The following DOCK8 variants were observed in gnomAD, a reference collection of about 807,000 sequenced individuals.
DOCK8 encodes dedicator of cytokinesis protein 8.
DOCK8 carries 141 observed loss-of-function variants against 245.6 expected under a neutral mutation model. That is an observed-to-expected ratio of 0.57 (90% CI 0.50 to 0.66). The LOEUF is 0.66. DOCK8 is among the 30% of genes least tolerant of loss of function. The pLI is 0.00. For synonymous variants in DOCK8, 1,168 were observed against 970.2 expected (o/e 1.20, Z -3.79); for missense variants, 2,965 against 2,603.4 (o/e 1.14, Z -3.02).
At chr9:415,110 G>T (rs1232621415) in intron 29 of DOCK8, among the ~76,000 whole-genome samples, 159 bp downstream of exon 29, 1 of 152,022 alleles carries the variant, frequency 6.6e-6, no homozygotes, top group African/African-American at 2.4e-5. Flanking sequence ...GCCCCAATCA[G>T]TTAAAAAAAC....
chr9:239,214 C>T (rs1156718216), intron 1 of DOCK8, among the ~76,000 whole-genome samples: 2 of 152,140 alleles, frequency 1.3e-5, no homozygotes, highest in Non-Finnish European at 2.9e-5. Flanking sequence ...CACGCATGGC[C>T]GCACACACAC....
chr9:269,351 C>T (rs1174785663), intron 1 of DOCK8, among the ~76,000 whole-genome samples: 1 of 151,190 alleles, frequency 6.6e-6, no homozygotes. Context: ...GATAATGTTT[C>T]CAAGGTTCAT....
intron 33 of DOCK8, among the ~76,000 whole-genome samples, chr9:426,169 CA>C (rs981404838): frequency 6.6e-6 from 1 of 151,434 alleles, no homozygotes; most frequent in Non-Finnish European, 1.5e-5. Flanking sequence ...GATGGGCTAG[CA>C]AAAAAAACCA....
At chr9:344,431 G>A (rs2051768858) in intron 14 of DOCK8, among the ~76,000 whole-genome samples, 1 of 152,088 alleles carries the variant, frequency 6.6e-6, no homozygotes, top group Non-Finnish European at 1.5e-5. Flanking sequence ...GGGCTTGACA[G>A]TTACCCAGTC....
At chr9:389,149 A>C (rs766381220) in intron 23 of DOCK8, among the ~76,000 whole-genome samples, 1 of 152,208 alleles carries the variant, frequency 6.6e-6, no homozygotes, top group African/African-American at 2.4e-5. Context: ...GGAGTCCCCA[A>C]GATGTAAGGT....
At chr9:265,491 G>A (rs543442) in intron 1 of DOCK8, among the ~76,000 whole-genome samples, 7 of 151,938 alleles carry the variant, frequency 4.6e-5, no homozygotes, top group East Asian at 3.9e-4. Context: ...ACAGTCGTTC[G>A]TTACCAAGAG....
intron 4 of DOCK8, among the ~76,000 whole-genome samples, chr9:301,050 T>C (rs1428717028): frequency 6.6e-6 from 1 of 152,150 alleles, no homozygotes; most frequent in Non-Finnish European, 1.5e-5. Flanking sequence ...AAAAGAAAAC[T>C]TCAGGCCAAT....
intron 46 of DOCK8, among the ~76,000 whole-genome samples, chr9:454,038 A>G (rs1007439260): frequency 1.3e-5 from 2 of 152,178 alleles, no homozygotes; most frequent in Non-Finnish European, 2.9e-5. Flanking sequence ...CAGCATATGC[A>G]CAGAACTTTA....
At chr9:383,972 C>G (rs1272091997) in intron 22 of DOCK8, among the ~76,000 whole-genome samples, 1 of 152,132 alleles carries the variant, frequency 6.6e-6, no homozygotes, top group African/African-American at 2.4e-5. Flanking sequence ...GAATATTATT[C>G]ATTAAGTTCA....
rs750791600 is a variant in DOCK8, at chr9:441,366, G to A, written c.5304G>A (p.Leu1768=). 1.4e-5 allele frequency: 23 copies of A among 1,614,080 alleles called. No homozygotes were observed. The highest frequency in any genetic ancestry group is 1.8e-5 in the Non-Finnish European group (21 of 1,180,054). ...ILEAHREFRK[L]TLTHSKLQRA... ...AAGCGCATCGAGAATTCCGGAAGCT[G>A]ACACTCACTCACAGCAAGCTGCAGA... The change falls in exon 41 of 48, where the codon CTG becomes CTA. Residue 1768 remains leucine (L), a synonymous_variant. Transcript: ENST00000432829.
chr9:335,227 C>G (rs2051253767), intron 11 of DOCK8, among the ~76,000 whole-genome samples: 1 of 151,972 alleles, frequency 6.6e-6, no homozygotes, highest in East Asian at 1.9e-4. Flanking sequence ...TTTTCGTCAT[C>G]TCACCCGTGA....
rs2049724499 is a variant in DOCK8, at chr9:304,602, C to G, written c.426C>G (p.Ile142Met). ...VNRKNQGSPE[I>M]CGFKKTGSRK... ...AAAGAAACCAAGGAAGTCCAGAAAT[C>G]TGTGGCTTTAAAAAGACTGGATCTC... The change falls in exon 5 of 48, where the codon ATC becomes ATG. Residue 142 changes from isoleucine to methionine, a missense_variant. Physicochemically the swap from Ile to Met is conservative, Grantham distance 10 (BLOSUM62 1). Transcript: ENST00000432829. The G allele has an allele frequency of 1.9e-6, 3 of 1,614,196 alleles. No homozygotes were observed. Among genetic ancestry groups the G allele is most frequent in the Non-Finnish European group, 2.5e-6 (3 of 1,180,026 alleles).
At chr9:346,887 G>T (rs10491692) in intron 14 of DOCK8, among the ~76,000 whole-genome samples, 1 of 151,714 alleles carries the variant, frequency 6.6e-6, no homozygotes, top group African/African-American at 2.4e-5. Flanking sequence ...AGAAATAACT[G>T]CAAACGAAGT....
intron 46 of DOCK8, among the ~76,000 whole-genome samples, chr9:453,547 C>T (rs1487410493): frequency 6.6e-6 from 1 of 152,158 alleles, no homozygotes; most frequent in Non-Finnish European, 1.5e-5. Context: ...CTCCCTGAGC[C>T]TCCCAAGTAG....
At chr9:400,018 ACCACC>A (rs1564011512) in intron 26 of DOCK8, among the ~76,000 whole-genome samples, 3 of 127,700 alleles carry the variant, frequency 2.3e-5, no homozygotes, top group African/African-American at 6.7e-5. Flanking sequence ...CACCATCACC[ACCACC>A]TCCACCATCA....
intron 46 of DOCK8, among the ~76,000 whole-genome samples, chr9:459,510 G>C (rs1048261545): frequency 6.6e-5 from 10 of 152,078 alleles, no homozygotes; most frequent in African/African-American, 2.4e-4. Flanking sequence ...TAATTATTAT[G>C]CATGTGGTAC....
At chr9:387,648 C>G (rs971831882) in intron 23 of DOCK8, among the ~76,000 whole-genome samples, 1 of 152,046 alleles carries the variant, frequency 6.6e-6, no homozygotes, top group Non-Finnish European at 1.5e-5. Flanking sequence ...TTGCAGTATT[C>G]CAGGCACCAT....
chr9:390,418 G>A (rs1023386736), intron 23 of DOCK8, 53 bp from the exon 24 acceptor site: 3 of 1,510,870 alleles, frequency 2.0e-6, no homozygotes, highest in African/African-American at 2.8e-5. Context: ...AAAAGTGTTG[G>A]TGAATAATAA....
At chr9:442,810 C>A (rs769871277) in intron 42 of DOCK8, among the ~76,000 whole-genome samples, 1 of 151,240 alleles carries the variant, frequency 6.6e-6, no homozygotes, top group Admixed American at 6.6e-5. Context: ...GCTTTCATTG[C>A]TTTGAATTTG....
Sources: gnomAD v4.1 joint callset for allele counts (sites outside exome capture counted in the v4.1 genomes callset) on GRCh38, gnomAD v4.1.1 for gene constraint, MANE v1.5 for transcripts, NCBI Gene and HGNC (gene_info 2026-07-23, HGNC 2026-07-21) for gene names.